GRM1: variants seen among roughly 807,000 people sequenced by gnomAD.
GRM1 encodes the protein glutamate metabotropic receptor 1, also known as metabotropic glutamate receptor 1.
Under a neutral mutation model 90.9 loss-of-function variants are expected in GRM1, and 33 were observed. The ratio of observed to expected loss-of-function variants is 0.36; its 90% confidence interval spans 0.28 to 0.49. The LOEUF (loss-of-function observed/expected upper bound fraction) is 0.49. Among genes scored for constraint, GRM1 ranks in the 20% least tolerant of loss-of-function variants. The pLI, the probability that GRM1 is intolerant of heterozygous loss-of-function variation, is 0.99. For missense variants in GRM1, 1,190 were observed against 1,534.3 expected (o/e 0.78, Z 3.75); for synonymous variants, 700 against 613.2 (o/e 1.14, Z -2.09).
At chr6:146,333,591 C>T (rs362951) in intron 3 of GRM1, among the ~76,000 whole-genome samples, 16,363 of 152,028 alleles carry the variant, frequency 0.11, 1,679 homozygotes, top group African/African-American at 0.27. Flanking sequence ...GCCTGATATA[C>T]GGTTTGGAGA....
chr6:146,166,988 T>C (rs1006305908), intron 2 of GRM1, among the ~76,000 whole-genome samples: 4 of 152,140 alleles, frequency 2.6e-5, no homozygotes, highest in Non-Finnish European at 5.9e-5. Context: ...CTCTACGCAG[T>C]GACATAAGCA....
intron 1 of GRM1, among the ~76,000 whole-genome samples, chr6:146,049,651 ATATCTATCTATCTATCTATC>A (rs143624231): frequency 8.8e-5 from 13 of 147,472 alleles, no homozygotes; most frequent in Non-Finnish European, 1.3e-4. Flanking sequence ...ACCTCCTTTC[ATATCTATCTATCTATCTATC>A]TATCTATCTA....
chr6:146,288,798 G>A (rs561239290), intron 2 of GRM1, among the ~76,000 whole-genome samples: 37 of 152,198 alleles, frequency 2.4e-4, no homozygotes, highest in South Asian at 4.2e-4. Flanking sequence ...GAGCCATCGC[G>A]CGGGGCCAGA....
intron 2 of GRM1, among the ~76,000 whole-genome samples, chr6:146,220,658 T>C (rs143473225): frequency 5.9e-4 from 90 of 152,276 alleles, no homozygotes; most frequent in African/African-American, 2.1e-3. Flanking sequence ...TTTATATTCT[T>C]TCCTTCTTTT....
Position 146,149,190 on chromosome 6 carries a change from A to G in GRM1, c.701-10158A>G, listed in dbSNP as rs1777224240. Among the ~76,000 whole-genome samples the G allele has an allele frequency of 2.6e-5, 4 of 152,232 alleles. No homozygotes were observed. In the South Asian group the frequency reaches 8.3e-4, roughly 31 times the overall value. Reference sequence around the variant, plus strand: ...GAAGACTCAATGACAGAGGCTGGATATAGATAAATGTAGACTTTCAATACA... The same window carrying G: ...GAAGACTCAATGACAGAGGCTGGATGTAGATAAATGTAGACTTTCAATACA... On this transcript the variant is annotated intron_variant, in intron 1 of 7. Transcript: ENST00000282753.
intron 1 of GRM1, among the ~76,000 whole-genome samples, chr6:146,090,283 T>G (rs1776672433): frequency 6.6e-6 from 1 of 152,106 alleles, no homozygotes; most frequent in South Asian, 2.1e-4. Context: ...TATCCTAAAT[T>G]CTATTTTTAA....
intron 3 of GRM1, among the ~76,000 whole-genome samples, chr6:146,348,243 C>G (rs1226192621): frequency 6.6e-6 from 1 of 152,186 alleles, no homozygotes; most frequent in Non-Finnish European, 1.5e-5. Context: ...TTATAATTCT[C>G]TATTTACTAG....
chr6:146,184,024 T>A (rs1778637739), intron 2 of GRM1, among the ~76,000 whole-genome samples: 1 of 151,994 alleles, frequency 6.6e-6, no homozygotes, highest in Non-Finnish European at 1.5e-5. Flanking sequence ...CCTGAAGCAT[T>A]GTAAAATGTA....
intron 1 of GRM1, among the ~76,000 whole-genome samples, chr6:146,119,175 AT>A (rs1451664926): frequency 6.6e-6 from 1 of 152,126 alleles, no homozygotes; most frequent in Non-Finnish European, 1.5e-5. Flanking sequence ...TTTGATTTGC[AT>A]TTCTCTGATG....
chr6:146,104,541 G>A (rs149840958), intron 1 of GRM1, among the ~76,000 whole-genome samples: 1 of 151,934 alleles, frequency 6.6e-6, no homozygotes, highest in Non-Finnish European at 1.5e-5. Flanking sequence ...TGTTTCATAT[G>A]GGGGGGCATT....
At chr6:146,321,815 T>G (rs1203007279) in intron 3 of GRM1, among the ~76,000 whole-genome samples, 4 of 152,190 alleles carry the variant, frequency 2.6e-5, no homozygotes, top group Admixed American at 6.5e-5. Flanking sequence ...TCCATTTGCT[T>G]GGTAAATATT....
intron 1 of GRM1, among the ~76,000 whole-genome samples, chr6:146,041,684 A>T (rs766287572): frequency 2.0e-5 from 3 of 151,584 alleles, no homozygotes; most frequent in Non-Finnish European, 4.4e-5. Flanking sequence ...TTCTGCTCAC[A>T]ATTTTTCACT....
At chr6:146,346,590 C>A (rs1785198183) in intron 3 of GRM1, among the ~76,000 whole-genome samples, 1 of 152,126 alleles carries the variant, frequency 6.6e-6, no homozygotes, top group African/African-American at 2.4e-5. Context: ...ATCTCAAATT[C>A]TCCCTGGAAG....
At chr6:146,289,139 G>A (rs184832391) in intron 2 of GRM1, among the ~76,000 whole-genome samples, 7 of 152,182 alleles carry the variant, frequency 4.6e-5, no homozygotes, top group East Asian at 1.9e-4. Context: ...GTGTAAAATC[G>A]CCTCAGGCAG....
intron 1 of GRM1, among the ~76,000 whole-genome samples, chr6:146,088,816 A>G (rs953520842): frequency 6.6e-6 from 1 of 152,134 alleles, no homozygotes; most frequent in Non-Finnish European, 1.5e-5. Context: ...TGCTAGGGGC[A>G]GTTTTCCCTT....
intron 3 of GRM1, among the ~76,000 whole-genome samples, chr6:146,308,999 GATATA>G (rs1203337106): frequency 6.6e-6 from 1 of 151,984 alleles, no homozygotes; most frequent in African/African-American, 2.4e-5. Context: ...ATGTTGCAGT[GATATA>G]ATAAAAAAAT....
intron 5 of GRM1, among the ~76,000 whole-genome samples, chr6:146,369,756 G>A (rs1366035216): frequency 6.6e-6 from 1 of 151,930 alleles, no homozygotes; most frequent in Non-Finnish European, 1.5e-5. Context: ...CTATCCCAGA[G>A]AATGTTAGAT....
intron 3 of GRM1, among the ~76,000 whole-genome samples, chr6:146,312,823 A>G (rs1377532809): frequency 1.3e-5 from 2 of 152,228 alleles, no homozygotes; most frequent in African/African-American, 4.8e-5. Flanking sequence ...CTTTGGTATG[A>G]GCCAACGCTG....
intron 7 of GRM1, among the ~76,000 whole-genome samples, chr6:146,421,450 GTAT>G (rs1341671619): frequency 6.6e-6 from 1 of 152,030 alleles, no homozygotes; most frequent in Non-Finnish European, 1.5e-5. Context: ...ACACTATCAT[GTAT>G]TATTTACTAA....
Sources: gnomAD v4.1 joint callset for allele counts (sites outside exome capture counted in the v4.1 genomes callset) on GRCh38, gnomAD v4.1.1 for gene constraint, MANE v1.5 for transcripts, NCBI Gene and HGNC (gene_info 2026-07-23, HGNC 2026-07-21) for gene names.